BEAN1: variants seen among roughly 807,000 people sequenced by gnomAD.
The protein encoded by BEAN1 is brain expressed associated with NEDD4 1, also known as protein BEAN1.
BEAN1 carries 17 observed loss-of-function variants against 17.7 expected under a neutral mutation model. That is an observed-to-expected ratio of 0.96 (90% CI 0.66 to 1.44). BEAN1 has a LOEUF of 1.44. Ranked by LOEUF, BEAN1 falls within the 40% of genes most tolerant of loss-of-function variation. The pLI, the probability that BEAN1 is intolerant of heterozygous loss-of-function variation, is 0.00. For missense variants in BEAN1, 359 were observed against 374.1 expected, an observed-to-expected ratio of 0.96 and a Z score of 0.33; for synonymous variants, 142 against 151.8, an observed-to-expected ratio of 0.94 and a Z score of 0.47.
At chr16:66,444,998 C>T (rs1962391171) in intron 2 of BEAN1, among the ~76,000 whole-genome samples, 1 of 152,202 alleles carries the variant, frequency 6.6e-6, no homozygotes, top group African/African-American at 2.4e-5. Context: ...TTTATTCATT[C>T]GTTCAACAAA....
downstream of BEAN1, among the ~76,000 whole-genome samples, chr16:66,494,848 G>C (rs1193706062): frequency 6.6e-6 from 1 of 152,156 alleles, no homozygotes; most frequent in East Asian, 1.9e-4. Flanking sequence ...TTCAGGTATG[G>C]CACATGCACA....
At chr16:66,493,151 G>A (rs536110926) in exon 5 of BEAN1, 28 of 702,870 alleles carry the variant, frequency 4.0e-5, no homozygotes, top group Non-Finnish European at 6.2e-5. Context: ...ATGTGAAGCC[G>A]TTCTCAGAAC....
At chr16:66,448,429 C>G (rs988532197) in intron 2 of BEAN1, among the ~76,000 whole-genome samples, 2 of 152,058 alleles carry the variant, frequency 1.3e-5, no homozygotes, top group South Asian at 4.1e-4. Flanking sequence ...TTCCTGAAAG[C>G]TGGTTTGCCA....
At chr16:66,480,421 T>C (rs574517104) in intron 4 of BEAN1, among the ~76,000 whole-genome samples, 165 bp from the exon 5 acceptor site, 55 of 152,192 alleles carry the variant, frequency 3.6e-4, no homozygotes, top group Admixed American at 5.2e-4. Context: ...GGTCCCCCTC[T>C]GGAGATGGAG....
In BEAN1 at chr16:66,434,220, C is replaced by T. The variant is rs1334284951; in HGVS notation, c.-82-3375C>T. Among the ~76,000 whole-genome samples, 1 of 150,588 alleles carries T rather than the reference C, an allele frequency of 6.6e-6. No individual in the cohort carries two copies. Among genetic ancestry groups the T allele is most frequent in the Non-Finnish European group, 1.5e-5 (1 of 67,824 alleles). On this transcript the variant is annotated intron_variant, in intron 1 of 4. Transcript: ENST00000536005. This position sits in a 1 kb window ranked among gnomAD's most constrained non-coding sequence, Gnocchi z 4.3. ...GGGTGGGCCTGCCCCCGACCCCGAC[C>T]CCAACCCCGACCCCGACCCCTGGCA...
intron 2 of BEAN1, among the ~76,000 whole-genome samples, chr16:66,453,479 C>T (rs1339118703): frequency 6.6e-6 from 1 of 152,052 alleles, no homozygotes; most frequent in African/African-American, 2.4e-5. Flanking sequence ...CCACTTCAGC[C>T]TCCCAAGTAG....
intron 4 of BEAN1, among the ~76,000 whole-genome samples, chr16:66,490,421 AAAT>A (rs1964154721): frequency 7.5e-6 from 1 of 132,618 alleles, no homozygotes; most frequent in Non-Finnish European, 1.6e-5. Context: ...AAATAAAATA[AAAT>A]AAAATAAAAT....
At chr16:66,478,777 G>T (rs534201830) in intron 4 of BEAN1, among the ~76,000 whole-genome samples, 3 of 152,296 alleles carry the variant, frequency 2.0e-5, no homozygotes, top group Admixed American at 2.0e-4. Flanking sequence ...GAGGGGAGGG[G>T]ATCAGGGAGG....
chr16:66,458,539 C>T (rs1300530810), intron 2 of BEAN1, among the ~76,000 whole-genome samples: 2 of 152,080 alleles, frequency 1.3e-5, no homozygotes, highest in Admixed American at 6.5e-5. Flanking sequence ...AGTGACAGAA[C>T]GAGGAACAGA....
chr16:66,461,108 G>T (rs940888740), intron 2 of BEAN1, among the ~76,000 whole-genome samples: 1 of 151,278 alleles, frequency 6.6e-6, no homozygotes, highest in Non-Finnish European at 1.5e-5. Context: ...TATAGAAACT[G>T]CTTGGGAAGA....
chr16:66,478,339 C>T (rs932460415), intron 4 of BEAN1, among the ~76,000 whole-genome samples: 1 of 151,828 alleles, frequency 6.6e-6, no homozygotes, highest in Non-Finnish European at 1.5e-5. Context: ...CGTGGGGGCT[C>T]ACGCCTGTAA....
At chr16:66,454,602 G>A (rs1405627999) in intron 2 of BEAN1, among the ~76,000 whole-genome samples, 2 of 151,930 alleles carry the variant, frequency 1.3e-5, no homozygotes. Flanking sequence ...AACTATTTGT[G>A]TCTTTGAATC....
intron 4 of BEAN1, among the ~76,000 whole-genome samples, chr16:66,489,004 T>C (rs750863321): frequency 1.9e-4 from 29 of 152,186 alleles, no homozygotes; most frequent in Non-Finnish European, 3.5e-4. Flanking sequence ...AAACCCTGTC[T>C]CTACTAAAAA....
intron 3 of BEAN1, among the ~76,000 whole-genome samples, chr16:66,476,105 G>A (rs1406984130): frequency 7.3e-6 from 1 of 136,778 alleles, no homozygotes; most frequent in Non-Finnish European, 1.5e-5. Flanking sequence ...GAGAGACTCC[G>A]TCTCAAAAAA....
At chr16:66,475,899 A>T (rs1963718796) in intron 3 of BEAN1, 1 of 152,208 alleles carries the variant, frequency 6.6e-6, no homozygotes. Context: ...TCACGAGGTC[A>T]GGAGATTGAG....
At chr16:66,483,019 G>C (rs1377078582), downstream of BEAN1, 2 of 391,574 alleles carry the variant, frequency 5.1e-6, no homozygotes, top group Admixed American at 3.5e-5. Context: ...ACCATACCCA[G>C]CTAATTTTTG....
chr16:66,481,137 C>T lies in BEAN1; in HGVS notation c.*212C>T, dbSNP rs1358661340. The T allele has an allele frequency of 6.7e-6, 3 of 446,130 alleles. No individual in the cohort carries two copies. Among genetic ancestry groups the T allele is most frequent in the African/African-American group, 2.0e-5 (1 of 49,614 alleles). 27.6% of individuals were successfully genotyped at this position (446,130 alleles called of 1,614,324 possible). ...ACATATGTGTGAATATGCGCACATA[C>T]AGGCCTACCACAAACACAAAACCCA... On this transcript the variant is annotated 3_prime_UTR_variant, in exon 5 of 5. Transcript: ENST00000536005. This position sits in a 1 kb window ranked among gnomAD's most constrained non-coding sequence, Gnocchi z 4.1.
intron 2 of BEAN1, among the ~76,000 whole-genome samples, chr16:66,454,733 T>C (rs970718948): frequency 1.3e-3 from 199 of 148,930 alleles, no homozygotes; most frequent in African/African-American, 4.6e-3. Flanking sequence ...TTCTTTCTTT[T>C]TTTTTTTTTT....
At chr16:66,433,284 T>C (rs939298763) in intron 1 of BEAN1, among the ~76,000 whole-genome samples, 3 of 152,092 alleles carry the variant, frequency 2.0e-5, no homozygotes, top group Admixed American at 6.6e-5. Context: ...AATTTTTTTG[T>C]ATTTTTAGTA....
Sources: gnomAD v4.1 joint callset for allele counts (sites outside exome capture counted in the v4.1 genomes callset) on GRCh38, gnomAD v4.1.1 for gene constraint, Gnocchi (gnomAD v3.1) non-coding constraint, MANE v1.5 for transcripts, NCBI Gene and HGNC (gene_info 2026-07-23, HGNC 2026-07-21) for gene names.